Variants in MYT1L observed in about 807,000 individuals in gnomAD.
MYT1L encodes myelin transcription factor 1 like.
Under a neutral mutation model 126.7 loss-of-function variants are expected in MYT1L, and 12 were observed. The observed-to-expected ratio is 0.09, with a 90% CI of 0.06 to 0.15. The LOEUF (loss-of-function observed/expected upper bound fraction) is 0.15, where lower values mean the gene tolerates loss of function less well. Among genes scored for constraint, MYT1L ranks in the 10% least tolerant of loss-of-function variants. MYT1L has a pLI of 1.00. For synonymous variants in MYT1L, 541 were observed against 604.2 expected (o/e 0.90, Z 1.53); for missense variants, 979 against 1,585.2 (o/e 0.62, Z 6.49).
At chr2:2,122,837 ATGTGTGTGTGTG>A (rs200951880) in intron 3 of MYT1L, among the ~76,000 whole-genome samples, 12 of 135,506 alleles carry the variant, frequency 8.9e-5, no homozygotes, top group East Asian at 2.2e-4. Flanking sequence ...GAGGATAGGA[ATGTGTGTGTGTG>A]TGTGTGTGTG....
intron 19 of MYT1L, among the ~76,000 whole-genome samples, chr2:1,843,695 A>G (rs1188283157): frequency 2.0e-5 from 3 of 152,098 alleles, no homozygotes; most frequent in African/African-American, 7.2e-5. Flanking sequence ...CCAGGATCCC[A>G]TCTCCCCAGA....
chr2:1,980,928 T>C (rs928094652), intron 5 of MYT1L, among the ~76,000 whole-genome samples: 6 of 152,134 alleles, frequency 3.9e-5, no homozygotes, highest in Non-Finnish European at 5.9e-5. Context: ...CAAAGCCCCA[T>C]TGAATGGCCT....
intron 2 of MYT1L, among the ~76,000 whole-genome samples, chr2:2,262,748 C>A (rs1215373039): frequency 6.6e-6 from 1 of 150,470 alleles, no homozygotes; most frequent in Admixed American, 6.6e-5. Context: ...CCTGTCTTTG[C>A]AGCTGGTTGG....
intron 8 of MYT1L, among the ~76,000 whole-genome samples, chr2:1,944,460 C>T (rs1395898582): frequency 6.6e-6 from 1 of 151,944 alleles, no homozygotes; most frequent in Non-Finnish European, 1.5e-5. Context: ...CTCATTGGCC[C>T]ATTATTCTGC....
intron 4 of MYT1L, among the ~76,000 whole-genome samples, chr2:2,052,119 T>A (rs942472464): frequency 1.3e-5 from 2 of 152,154 alleles, no homozygotes; most frequent in African/African-American, 4.8e-5. Context: ...TAGAACAGAA[T>A]AGAGAACCCA....
At chr2:1,796,985 C>G (rs1424378522) in intron 23 of MYT1L, among the ~76,000 whole-genome samples, 1 of 152,178 alleles carries the variant, frequency 6.6e-6, no homozygotes, top group African/African-American at 2.4e-5. Flanking sequence ...CCCCTGGGGC[C>G]GAGGGCAAGC....
intron 2 of MYT1L, among the ~76,000 whole-genome samples, chr2:2,180,227 C>A (rs1442572781): frequency 6.6e-6 from 1 of 152,120 alleles, no homozygotes; most frequent in Non-Finnish European, 1.5e-5. Context: ...TCCAAGCCCC[C>A]CAAGGAACTC....
In MYT1L at chr2:1,791,067, C is replaced by T; in HGVS notation, c.*800G>A. 2.8e-6 allele frequency: 1 copy of T among 362,936 alleles called. No homozygotes were observed. The highest frequency in any genetic ancestry group is 4.3e-5 in the Admixed American group (1 of 23,484). The allele number at this position is 362,936 out of a possible 1,614,324, so 22.5% of individuals were successfully genotyped here. On this transcript the variant is annotated 3_prime_UTR_variant, in exon 25 of 25. Coordinates refer to ENST00000647738, the MANE Select transcript of MYT1L (RefSeq NM_001303052.2). The surrounding 1 kb of genome is among the most constrained non-coding windows in gnomAD (Gnocchi z 6.0). ...TAAGATCCTGTCTTAACTGGAGTTT[C>T]CATAGTCACAACCATGTAACGCTTA...
At chr2:1,851,836 G>A (rs931066757) in intron 18 of MYT1L, 133 bp from the exon 19 acceptor site, 26 of 824,324 alleles carry the variant, frequency 3.2e-5, no homozygotes, top group African/African-American at 2.0e-4. Context: ...GAGTGGAGCC[G>A]GAAGCTCCCT....
intron 8 of MYT1L, among the ~76,000 whole-genome samples, chr2:1,952,214 G>A (rs929063061): frequency 6.6e-6 from 1 of 152,048 alleles, no homozygotes; most frequent in African/African-American, 2.4e-5. Flanking sequence ...CTCAGTTTCT[G>A]GAATGCAGGG....
chr2:2,100,712 A>G (rs1409443400), intron 3 of MYT1L, among the ~76,000 whole-genome samples: 1 of 152,186 alleles, frequency 6.6e-6, no homozygotes, highest in Admixed American at 6.5e-5. Context: ...TTCTTCTGCT[A>G]GTCCCCTGGG....
intron 3 of MYT1L, among the ~76,000 whole-genome samples, chr2:2,097,031 C>T (rs1217284495): frequency 6.6e-6 from 1 of 152,172 alleles, no homozygotes; most frequent in East Asian, 1.9e-4. Flanking sequence ...CCCTTAACCT[C>T]TGTTCTGCCA....
intron 3 of MYT1L, among the ~76,000 whole-genome samples, chr2:2,056,202 C>A (rs1168784141): frequency 6.6e-6 from 1 of 152,092 alleles, no homozygotes; most frequent in Non-Finnish European, 1.5e-5. Flanking sequence ...CACCTTCAGC[C>A]TCTCATCAGG....
chr2:2,027,237 C>T (rs1031616634), intron 4 of MYT1L, among the ~76,000 whole-genome samples: 4 of 152,260 alleles, frequency 2.6e-5, no homozygotes, highest in Admixed American at 6.5e-5. Flanking sequence ...AGCTCCACCC[C>T]GGGAGGCAGA....
At chr2:1,970,038 C>A (rs1332035921) in intron 8 of MYT1L, among the ~76,000 whole-genome samples, 6 of 152,172 alleles carry the variant, frequency 3.9e-5, no homozygotes, top group Non-Finnish European at 8.8e-5. Flanking sequence ...TTGTTTCTTT[C>A]CTCTAAATCT....
intron 4 of MYT1L, among the ~76,000 whole-genome samples, chr2:1,999,814 A>G (rs940565253): frequency 6.6e-6 from 1 of 152,376 alleles, no homozygotes; most frequent in East Asian, 1.9e-4. Context: ...AATAATACCC[A>G]GAAACATACA....
At chr2:2,143,380 G>A (rs2084339834) in intron 3 of MYT1L, among the ~76,000 whole-genome samples, 1 of 151,854 alleles carries the variant, frequency 6.6e-6, no homozygotes, top group Admixed American at 6.6e-5. Context: ...GGAGGAGGCT[G>A]TGCCTGGGGC....
At chr2:1,893,842 T>C (rs2049238019) in intron 14 of MYT1L, among the ~76,000 whole-genome samples, 1 of 152,168 alleles carries the variant, frequency 6.6e-6, no homozygotes, top group Non-Finnish European at 1.5e-5. Flanking sequence ...AAGGTTTGGT[T>C]TGGGACTGAA....
At chr2:1,925,886 C>A (rs868674340) in intron 9 of MYT1L, among the ~76,000 whole-genome samples, 1 of 152,182 alleles carries the variant, frequency 6.6e-6, no homozygotes, top group Middle Eastern at 3.2e-3. Context: ...AACTTCCTGG[C>A]CCTTTGTCAG....
Sources: gnomAD v4.1 joint callset for allele counts (sites outside exome capture counted in the v4.1 genomes callset) on GRCh38, gnomAD v4.1.1 for gene constraint, Gnocchi (gnomAD v3.1) non-coding constraint, MANE v1.5 for transcripts, NCBI Gene and HGNC (gene_info 2026-07-23, HGNC 2026-07-21) for gene names.